NUF2: variants seen among roughly 807,000 people sequenced by gnomAD.
NUF2 encodes the protein NUF2 component of NDC80 kinetochore complex, also known as kinetochore protein Nuf2.
Under a neutral mutation model 61.8 loss-of-function variants are expected in NUF2, and 34 were observed. The observed-to-expected ratio is 0.55, with a 90% CI of 0.42 to 0.73. NUF2 has a LOEUF of 0.73. Ranked by LOEUF, NUF2 falls within the 30% of genes least tolerant of loss-of-function variation. The pLI, the probability that NUF2 is intolerant of heterozygous loss-of-function variation, is 0.00. For missense variants in NUF2, 445 were observed against 539.1 expected, an observed-to-expected ratio of 0.83 and a Z score of 1.73; for synonymous variants, 172 against 181.6, an observed-to-expected ratio of 0.95 and a Z score of 0.42.
intron 13 of NUF2, among the ~76,000 whole-genome samples, chr1:163,351,965 C>G (rs1326518418): frequency 1.3e-5 from 2 of 152,104 alleles, no homozygotes; most frequent in Non-Finnish European, 2.9e-5. Context: ...GTTTCTTGTT[C>G]TGTCCACTCA....
chr1:163,324,164 ATACT>A (rs945167136), intron 1 of NUF2, among the ~76,000 whole-genome samples: 4 of 152,354 alleles, frequency 2.6e-5, no homozygotes, highest in Admixed American at 2.0e-4. Context: ...TAAAGAAATT[ATACT>A]TACTTTAAAG....
intron 10 of NUF2, among the ~76,000 whole-genome samples, chr1:163,345,435 T>A (rs1288528691): frequency 6.6e-6 from 1 of 152,182 alleles, no homozygotes; most frequent in African/African-American, 2.4e-5. Context: ...GGTATTTCAT[T>A]GAGTAGTAAA....
rs756856603 is a variant in NUF2, at chr1:163,339,272, G to T, written c.510-109G>T. ...TTGCCACATGAAAGGGTGTAATTCA[G>T]AAACATAAAAGTAGACAATTTCTTC... On this transcript the variant is annotated intron_variant, in intron 7 of 13. Transcript: ENST00000271452. The T allele has an allele frequency of 1.6e-4, 108 of 665,392 alleles. No individual in the cohort carries two copies. The South Asian group carries it at 2.0e-3, about 12-fold the overall frequency. The allele number at this position is 665,392 out of a possible 1,614,324, so 41.2% of individuals were successfully genotyped here. A position where few individuals can be genotyped will look rare whatever the true frequency, so the allele number is the denominator to read the frequency against.
Position 163,343,756 on chromosome 1 carries a change from T to C in NUF2, c.693T>C (p.Val231=), listed in dbSNP as rs2101684259. The C allele has an allele frequency of 7.1e-7, 1 of 1,417,508 alleles. No homozygotes were observed. The highest frequency in any genetic ancestry group is 9.4e-7 in the Non-Finnish European group (1 of 1,065,392). 87.8% of individuals were successfully genotyped at this position (1,417,508 alleles called of 1,614,324 possible). ...AGAATGAACTAAAATTGTCGGTGGTTTCTTTGAAAGAAATACAAGAGAGTT... is the reference window on the plus strand; with the variant it reads ...AGAATGAACTAAAATTGTCGGTGGTCTCTTTGAAAGAAATACAAGAGAGTT... ...KRLNELKLSV[V]SLKEIQESLK... The change falls in exon 10 of 14, where the codon GTT becomes GTC. Residue 231 remains valine, a synonymous_variant. Coordinates refer to ENST00000271452, the MANE Select transcript of NUF2 (RefSeq NM_145697.3).
At chr1:163,331,135 A>G (rs1285007052) in intron 5 of NUF2, among the ~76,000 whole-genome samples, 2 of 151,204 alleles carry the variant, frequency 1.3e-5, no homozygotes, top group Admixed American at 1.3e-4. Flanking sequence ...GGGGGAAACC[A>G]TTTAGTCTTT....
In NUF2 at chr1:163,326,142, C is replaced by G. The variant is rs1451187589; in HGVS notation, c.91C>G (p.Leu31Val). Residue 31 changes from leucine (L) to valine (V), a missense_variant, in exon 2 of 14, where the codon CTC becomes GTC. Transcript: ENST00000271452. Reference protein sequence around the residue: ...KILTGADGKNLTKNDLYPNPK... With the variant: ...KILTGADGKNVTKNDLYPNPK... Reference sequence around the variant, plus strand: ...CTTAACAGGAGCTGATGGTAAAAACCTCACCAAGAATGATCTTTATCCAAA... The same window carrying G: ...CTTAACAGGAGCTGATGGTAAAAACGTCACCAAGAATGATCTTTATCCAAA... 1.2e-6 allele frequency: 2 copies of G among 1,612,886 alleles called. No individual in the cohort carries two copies. The highest frequency in any genetic ancestry group is 1.3e-5 in the African/African-American group (1 of 74,832).
chr1:163,333,989 T>C (rs929794796), intron 5 of NUF2, among the ~76,000 whole-genome samples: 13 of 152,186 alleles, frequency 8.5e-5, no homozygotes, highest in Admixed American at 7.8e-4. Flanking sequence ...CCACATTTTG[T>C]AGTCTCCAGT....
rs562728778 is a variant in NUF2, at chr1:163,326,003, G to A, written c.-20-29G>A. 9 of 1,574,226 alleles carry A rather than the reference G, an allele frequency of 5.7e-6. No homozygotes were observed. In the South Asian group the frequency reaches 1.0e-4, roughly 18 times the overall value. ...GATAATGAGAACTACTGATCATGTG[G>A]TATTTCTCATTGTTTTTTCTTCCTT... is the stretch of plus-strand genomic sequence containing the variant. On this transcript the variant is annotated intron_variant, in intron 1 of 13. Coordinates refer to ENST00000271452, the MANE Select transcript of NUF2 (RefSeq NM_145697.3).
At chr1:163,328,744 T>C (rs1047935712) in intron 4 of NUF2, 102 bp from the exon 5 acceptor site, 18 of 752,206 alleles carry the variant, frequency 2.4e-5, no homozygotes, top group African/African-American at 2.1e-4. Flanking sequence ...TTAAGAAATA[T>C]ATCCAGAAAT....
chr1:163,355,352 G>T lies in NUF2; in HGVS notation c.1278G>T (p.Leu426Phe). Residue 426 changes from leucine (L) to phenylalanine (F), a missense_variant, in exon 14 of 14, where the codon TTG becomes TTT. Coordinates refer to ENST00000271452, the MANE Select transcript of NUF2 (RefSeq NM_145697.3). Reference sequence around the variant, plus strand: ...CTACTTAGGAAATATTTCTAAACTTGAAAACTGCTTTGGAGAAATACCACG... The same window carrying T: ...CTACTTAGGAAATATTTCTAAACTTTAAAACTGCTTTGGAGAAATACCACG... ...KLKSQEIFLN[L>F]KTALEKYHDG... is the part of the protein sequence containing the mutation. 1 of 1,599,158 alleles carries T rather than the reference G, an allele frequency of 6.3e-7. No individual in the cohort carries two copies. The highest frequency in any genetic ancestry group is 8.5e-7 in the Non-Finnish European group (1 of 1,173,146).
At chr1:163,348,029 T>C in intron 12 of NUF2, 91 bp downstream of exon 12, 1 of 925,352 alleles carries the variant, frequency 1.1e-6, no homozygotes, top group Non-Finnish European at 1.5e-6. Flanking sequence ...CTCGGTATTT[T>C]CCAAAAGAGT....
At chr1:163,341,565 T>C (rs1650947371) in intron 9 of NUF2, among the ~76,000 whole-genome samples, 1 of 152,134 alleles carries the variant, frequency 6.6e-6, no homozygotes, top group African/African-American at 2.4e-5. Context: ...CCATCTTGCT[T>C]AGTGATTTCT....
rs928604611 is a variant in NUF2, at chr1:163,332,821, T to C, written c.337+3914T>C. ...ATTTCAAGATCTTCAATTATACTTATAAAGCCACTTTGCAAATAAGATAAC... is the reference window on the plus strand; with the variant it reads ...ATTTCAAGATCTTCAATTATACTTACAAAGCCACTTTGCAAATAAGATAAC... On this transcript the variant is annotated intron_variant, in intron 5 of 13. Coordinates refer to ENST00000271452, the MANE Select transcript of NUF2 (RefSeq NM_145697.3). Among the ~76,000 whole-genome samples the C allele has an allele frequency of 3.9e-5, 6 of 152,170 alleles. 1 individual carries two copies. Among genetic ancestry groups the C allele is most frequent in the African/African-American group, 1.4e-4 (6 of 41,440 alleles).
At chr1:163,345,972 C>A in intron 11 of NUF2, 154 bp downstream of exon 11, 1 of 502,910 alleles carries the variant, frequency 2.0e-6, no homozygotes, top group Non-Finnish European at 3.4e-6. Context: ...GAAAAAGACA[C>A]TTTTCTTTTT....
chr1:163,328,928 G>GTTTTAATGTC (rs771739473), intron 5 of NUF2, 21 bp downstream of exon 5: 1 of 1,367,762 alleles, frequency 7.3e-7, no homozygotes, highest in East Asian at 2.4e-5. Flanking sequence ...ATTTAAAACA[G>GTTTTAATGTC]TTTTAATGTC....
chr1:163,330,290 C>T (rs1044959566), intron 5 of NUF2, among the ~76,000 whole-genome samples: 4 of 152,076 alleles, frequency 2.6e-5, no homozygotes, highest in African/African-American at 9.7e-5. Context: ...TGTGTGGGGA[C>T]CCAAGGTATA....
intron 13 of NUF2, among the ~76,000 whole-genome samples, chr1:163,354,573 C>T (rs1235647614): frequency 2.6e-5 from 4 of 152,052 alleles, no homozygotes; most frequent in African/African-American, 9.7e-5. Context: ...AAATTGAGAA[C>T]ATTGTATTCA....
chr1:163,340,380 G>A lies in NUF2; in HGVS notation c.623G>A (p.Gly208Glu), dbSNP rs752605979. Reference protein sequence around the residue: ...FHQKTIVLQEGNSQKKSNISE... With the variant: ...FHQKTIVLQEENSQKKSNISE... ...TTCCCTTAGATAGTGCTGCAAGAGG[G>A]AAATTCCCAAAAGAAGTCAAATATT... is the stretch of plus-strand genomic sequence containing the variant. Residue 208 changes from glycine (G) to glutamate (E), a missense_variant, in exon 9 of 14, where the codon GGA becomes GAA. By Grantham distance (98) the Gly-to-Glu change is moderately conservative. Coordinates refer to ENST00000271452, the MANE Select transcript of NUF2 (RefSeq NM_145697.3). 1 of 1,611,062 alleles carries A rather than the reference G, an allele frequency of 6.2e-7. No homozygotes were observed. The highest frequency in any genetic ancestry group is 1.3e-5 in the African/African-American group (1 of 74,792).
At chr1:163,327,407 T>C in intron 2 of NUF2, 81 bp from the exon 3 acceptor site, 1 of 735,090 alleles carries the variant, frequency 1.4e-6, no homozygotes, top group East Asian at 2.6e-5. Context: ...TTTCATCGAT[T>C]ATAATATTGT....
Sources: gnomAD v4.1 joint callset for allele counts (sites outside exome capture counted in the v4.1 genomes callset) on GRCh38, gnomAD v4.1.1 for gene constraint, MANE v1.5 for transcripts, NCBI Gene and HGNC (gene_info 2026-07-23, HGNC 2026-07-21) for gene names.